ATP10A: variants seen among roughly 807,000 people sequenced by gnomAD.
The protein encoded by ATP10A is ATPase phospholipid transporting 10A (putative), also known as phospholipid-transporting ATPase VA.
A neutral mutation model predicts 147.8 loss-of-function variants in ATP10A; 111 were observed. The observed-to-expected ratio is 0.75, with a 90% CI of 0.64 to 0.88. The LOEUF is 0.88. ATP10A is among the 40% of genes least tolerant of loss of function. ATP10A has a pLI of 0.00. For synonymous variants in ATP10A, 875 were observed against 841.6 expected (o/e 1.04, Z -0.69); for missense variants, 1,927 against 1,959.0 (o/e 0.98, Z 0.31).
intron 2 of ATP10A, among the ~76,000 whole-genome samples, chr15:25,770,245 C>A (rs1402933052): frequency 6.6e-6 from 1 of 152,100 alleles, no homozygotes; most frequent in African/African-American, 2.4e-5. Flanking sequence ...TTCAGCCATT[C>A]CAGACTTGAC....
rs1375175983 is a variant in ATP10A at position 25,680,122 on chromosome 15, T to C, written c.3865A>G (p.Arg1289Gly). The C allele has an allele frequency of 6.2e-7, 1 of 1,613,326 alleles. No homozygotes were observed. Among genetic ancestry groups the C allele is most frequent in the South Asian group, 1.1e-5 (1 of 91,000 alleles). Residue 1289 changes from arginine (R) to glycine (G), a missense_variant and splice_region_variant, in exon 20 of 21, where the codon AGA becomes GGA. Physicochemically the swap from Arg to Gly is moderately radical, Grantham distance 125 (BLOSUM62 -2). Coordinates refer to ENST00000555815, the MANE Select transcript of ATP10A (RefSeq NM_024490.4). ...GCACTATCCCGCTCCGACACCCACC[T>C]GGGCAGCAGTGCAGCGACAGGCGTC... ...LMTPVAALLPRLFFRSLQGRV... is the reference protein window; with the variant it reads ...LMTPVAALLPGLFFRSLQGRV...
At chr15:25,845,054 C>G (rs1354423325) in intron 1 of ATP10A, among the ~76,000 whole-genome samples, 2 of 152,180 alleles carry the variant, frequency 1.3e-5, no homozygotes, top group Non-Finnish European at 2.9e-5. Flanking sequence ...ACAAATCCCC[C>G]CCAAACACCA....
chr15:25,695,004 C>A lies in ATP10A; in HGVS notation c.2903G>T (p.Arg968Leu). 1 of 1,614,194 alleles carries A rather than the reference C, an allele frequency of 6.2e-7. No individual in the cohort carries two copies. Among genetic ancestry groups the A allele is most frequent in the Non-Finnish European group, 8.5e-7 (1 of 1,180,036 alleles). The change falls in exon 14 of 21, where the codon CGC (arginine) becomes CTC (leucine). Residue 968 changes from arginine (R) to leucine (L), a missense_variant. Arg to Leu is a moderately radical substitution (Grantham distance 102). Transcript: ENST00000555815. ...CPPSTSTASG[R>L]RPSLVIDGRS... ...CCCATCGATCACGAGGCTGGGTCTG[C>A]GGCCAGAGGCAGTGGACGTGGAGGG...
At chr15:25,687,651 T>G in intron 16 of ATP10A, 52 bp downstream of exon 16, 1 of 1,331,778 alleles carries the variant, frequency 7.5e-7, no homozygotes, top group Non-Finnish European at 9.8e-7. Context: ...GCGATGGTCC[T>G]AAGAACCGAA....
intron 12 of ATP10A, among the ~76,000 whole-genome samples, chr15:25,703,999 CA>C (rs1450503487): frequency 6.6e-6 from 1 of 152,072 alleles, no homozygotes; most frequent in East Asian, 1.9e-4. Context: ...GGAAGAAAGC[CA>C]GGTCACGCTC....
intron 13 of ATP10A, among the ~76,000 whole-genome samples, chr15:25,696,261 A>G (rs1394409229): frequency 1.3e-5 from 2 of 152,334 alleles, no homozygotes; most frequent in African/African-American, 2.4e-5. Context: ...GAAAAGACAC[A>G]GTTACTGCCG....
In ATP10A at chr15:25,714,029, C is replaced by T. The variant is rs375254555; in HGVS notation, c.1989G>A (p.Ser663=). Residue 663 remains serine (S), a synonymous_variant, in exon 10 of 21, where the codon TCG becomes TCA. Coordinates refer to ENST00000555815, the MANE Select transcript of ATP10A (RefSeq NM_024490.4). ...RLEERLGQPT[S]AIASNGYSSQ... ...TGCTGTAGCCGTTGCTGGCGATGGC[C>T]GAGGTGGGCTGGCCCAGCCTCTCCT... The T allele has an allele frequency of 9.9e-6, 16 of 1,611,054 alleles. No individual in the cohort carries two copies. The African/African-American group carries it at 1.5e-4, about 15-fold the overall frequency.
chr15:25,691,197 T>A (rs1039159161), intron 15 of ATP10A, among the ~76,000 whole-genome samples: 1 of 152,178 alleles, frequency 6.6e-6, no homozygotes, highest in African/African-American at 2.4e-5. Flanking sequence ...AAGCAGCACA[T>A]TTTTAGTTAA....
chr15:25,817,066 G>GT (rs1362342947), intron 1 of ATP10A, among the ~76,000 whole-genome samples: 2 of 151,790 alleles, frequency 1.3e-5, no homozygotes, highest in African/African-American at 4.8e-5. Flanking sequence ...CTCTCTCTCT[G>GT]TTTTTTGGTT....
intron 1 of ATP10A, among the ~76,000 whole-genome samples, chr15:25,860,224 G>A (rs531003674): frequency 4.6e-5 from 7 of 151,556 alleles, no homozygotes; most frequent in East Asian, 2.0e-4. Flanking sequence ...CCCCGCCCCC[G>A]ATCTCTCACT....
intron 5 of ATP10A, 51 bp downstream of exon 5, chr15:25,725,900 G>T: frequency 6.4e-7 from 1 of 1,559,596 alleles, no homozygotes; most frequent in Admixed American, 1.7e-5. Context: ...TTACGGGCAC[G>T]AGCCACTGCG....
intron 3 of ATP10A, among the ~76,000 whole-genome samples, chr15:25,730,558 C>T (rs1902919690): frequency 6.6e-6 from 1 of 152,150 alleles, no homozygotes; most frequent in Admixed American, 6.5e-5. Flanking sequence ...GCGTCCCCTA[C>T]ACCCACCCAC....
Position 25,681,051 on chromosome 15 carries a change from C to A in ATP10A, c.3516G>T (p.Trp1172Cys). The change falls in exon 18 of 21, where the codon TGG becomes TGT. Residue 1172 changes from tryptophan (W) to cysteine (C), a missense_variant. By Grantham distance (215) the Trp-to-Cys change is radical (BLOSUM62 -2). Coordinates refer to ENST00000555815, the MANE Select transcript of ATP10A (RefSeq NM_024490.4). ...GGAAGGCGGCGTCGGCCATGTTAAA[C>A]CAGAACGTTCGTGGCCGGTATTCCT... Reference protein sequence around the residue: ...NMEEYRPRTFWFNMADAAFQS... With the variant: ...NMEEYRPRTFCFNMADAAFQS... The A allele has an allele frequency of 1.2e-6, 2 of 1,613,724 alleles. No homozygotes were observed. Among genetic ancestry groups the A allele is most frequent in the Non-Finnish European group, 1.7e-6 (2 of 1,179,728 alleles).
rs376938746 is a variant in ATP10A at position 25,680,182 on chromosome 15, G to C, written c.3805C>G (p.Leu1269Val). The change falls in exon 20 of 21, where the codon CTG becomes GTG. Residue 1269 changes from leucine (L) to valine (V), a missense_variant. By Grantham distance (32) the Leu-to-Val change is conservative (BLOSUM62 1). Coordinates refer to ENST00000555815, the MANE Select transcript of ATP10A (RefSeq NM_024490.4). ...SNPYWTMQAL[L>V]GDPVFYLTCL... is the part of the protein sequence containing the mutation. Reference sequence around the variant, plus strand: ...GTCAAGTAAAACACTGGGTCACCCAGTAAGGCTTGCATAGTCCAGTAAGGG... The same window carrying C: ...GTCAAGTAAAACACTGGGTCACCCACTAAGGCTTGCATAGTCCAGTAAGGG... 3.5e-5 allele frequency: 56 copies of C among 1,614,050 alleles called. No homozygotes were observed. The highest frequency in any genetic ancestry group is 5.0e-5 in the Admixed American group (3 of 59,998).
chr15:25,724,750 C>T (rs753572007), intron 5 of ATP10A, among the ~76,000 whole-genome samples: 2 of 152,192 alleles, frequency 1.3e-5, no homozygotes, highest in Non-Finnish European at 2.9e-5. Flanking sequence ...GAATTACCAC[C>T]ACCGCTGTGA....
intron 1 of ATP10A, among the ~76,000 whole-genome samples, chr15:25,811,508 G>T (rs550974056): frequency 6.6e-6 from 1 of 152,118 alleles, no homozygotes; most frequent in Non-Finnish European, 1.5e-5. Context: ...CTGCACACCC[G>T]GGCATCCCTC....
rs138332244 is a variant in ATP10A, at chr15:25,832,905, T to C, written c.449+29743A>G. On this transcript the variant is annotated intron_variant, in intron 1 of 20. Coordinates refer to ENST00000555815, the MANE Select transcript of ATP10A (RefSeq NM_024490.4). ...ATTTGATCATTACAAACCGTATACA[T>C]AGGCAATATCACTCTGTGCTCCACA... is the stretch of plus-strand genomic sequence containing the variant. 1.1e-3 allele frequency among the ~76,000 whole-genome samples: 161 copies of C among 152,232 alleles called. 1 individual carries two copies. The highest frequency in any genetic ancestry group is 3.4e-3 in the Middle Eastern group (1 of 294).
chr15:25,683,079 G>T (rs538862161), intron 17 of ATP10A, among the ~76,000 whole-genome samples: 40 of 150,934 alleles, frequency 2.7e-4, no homozygotes, highest in Middle Eastern at 3.2e-3. Flanking sequence ...ACTCTTGGAG[G>T]GGGGACAGTT....
chr15:25,839,809 C>T (rs1055183259), intron 1 of ATP10A, among the ~76,000 whole-genome samples: 5 of 152,152 alleles, frequency 3.3e-5, no homozygotes, highest in Admixed American at 6.5e-5. Context: ...CTTCACCCAG[C>T]CTCCCCTAAG....
Sources: allele counts gnomAD v4.1 joint callset (sites outside exome capture counted in the v4.1 genomes callset), GRCh38; gene constraint gnomAD v4.1.1; transcripts MANE v1.5; gene names NCBI Gene and HGNC (gene_info 2026-07-23, HGNC 2026-07-21).